The following NRXN1 variants were observed in gnomAD, a reference collection of about 807,000 sequenced individuals.
NRXN1 encodes the protein neurexin 1, also known as neurexin-1.
Under a neutral mutation model 150.9 loss-of-function variants are expected in NRXN1, and 39 were observed. The ratio of observed to expected loss-of-function variants is 0.26; its 90% CI spans 0.20 to 0.34. NRXN1 has a LOEUF of 0.34. Among genes scored for constraint, NRXN1 ranks in the 10% least tolerant of loss-of-function variants. The probability of loss-of-function intolerance (pLI) is 1.00; values close to 1 mark genes in which losing one functional copy is unlikely to be tolerated. For synonymous variants in NRXN1, 924 were observed against 757.0 expected (o/e 1.22, Z -3.62); for missense variants, 1,815 against 1,949.9 (o/e 0.93, Z 1.30).
chr2:50,808,397 G>C (rs1667789100), intron 5 of NRXN1, among the ~76,000 whole-genome samples: 1 of 151,922 alleles, frequency 6.6e-6, no homozygotes, highest in Non-Finnish European at 1.5e-5. Context: ...TTAATTTTGA[G>C]TTGGCAGAGG....
At chr2:49,925,235 G>A (rs1170025077) in intron 22 of NRXN1, among the ~76,000 whole-genome samples, 3 of 142,980 alleles carry the variant, frequency 2.1e-5, no homozygotes, top group African/African-American at 5.3e-5. Context: ...AGCTGCGATC[G>A]CACACTACAC....
intron 21 of NRXN1, among the ~76,000 whole-genome samples, chr2:50,008,181 G>A (rs1218372235): frequency 6.6e-6 from 1 of 152,090 alleles, no homozygotes; most frequent in Non-Finnish European, 1.5e-5. Flanking sequence ...GTTTTAAATA[G>A]CATTGATACA....
chr2:50,674,090 A>G (rs1046423199), intron 5 of NRXN1, among the ~76,000 whole-genome samples: 16 of 152,090 alleles, frequency 1.1e-4, no homozygotes, highest in African/African-American at 3.6e-4. Context: ...CAGAACTTAA[A>G]GTATAATAAA....
chr2:50,486,344 T>C (rs2090872211), intron 15 of NRXN1, among the ~76,000 whole-genome samples: 1 of 152,130 alleles, frequency 6.6e-6, no homozygotes, highest in Non-Finnish European at 1.5e-5. Context: ...CATAAGATAG[T>C]TTTTCTCACG....
At chr2:50,620,333 T>C in intron 7 of NRXN1, 150 bp from the exon 8 acceptor site, 1 of 874,422 alleles carries the variant, frequency 1.1e-6, no homozygotes, top group East Asian at 2.7e-5. Flanking sequence ...TTTTTGTTTT[T>C]AGACCTATGA....
At chr2:50,239,156 T>C (rs2065753921) in intron 17 of NRXN1, among the ~76,000 whole-genome samples, 1 of 151,884 alleles carries the variant, frequency 6.6e-6, no homozygotes, top group Non-Finnish European at 1.5e-5. Flanking sequence ...CTGGTAATTT[T>C]TGCAAATGAT....
intron 21 of NRXN1, among the ~76,000 whole-genome samples, chr2:50,006,893 C>T (rs77311144): frequency 0.048 from 7,367 of 152,090 alleles, 599 homozygotes; most frequent in African/African-American, 0.17. Flanking sequence ...ATCATCAGAA[C>T]GATTTAGCAA....
chr2:50,815,061 A>G (rs1009487050), intron 5 of NRXN1, among the ~76,000 whole-genome samples: 4 of 152,096 alleles, frequency 2.6e-5, no homozygotes, highest in African/African-American at 9.7e-5. Context: ...ATGAACTGAC[A>G]TACTCTTTTT....
chr2:50,299,862 G>A (rs1437673672), intron 17 of NRXN1, among the ~76,000 whole-genome samples: 1 of 152,078 alleles, frequency 6.6e-6, no homozygotes, highest in Non-Finnish European at 1.5e-5. Flanking sequence ...ACAAATCCAA[G>A]GCTTTTGAAA....
intron 17 of NRXN1, among the ~76,000 whole-genome samples, chr2:50,438,742 A>T (rs1160444713): frequency 6.6e-6 from 1 of 152,234 alleles, no homozygotes; most frequent in East Asian, 1.9e-4. Flanking sequence ...ATTAATAATC[A>T]GAAAAGGGTC....
At chr2:50,783,998 G>C (rs1249265549) in intron 5 of NRXN1, among the ~76,000 whole-genome samples, 2 of 152,076 alleles carry the variant, frequency 1.3e-5, no homozygotes, top group African/African-American at 4.8e-5. Flanking sequence ...CACAGAGTCA[G>C]GTCCAGCAAT....
intron 15 of NRXN1, among the ~76,000 whole-genome samples, chr2:50,477,742 A>C (rs1465122645): frequency 6.6e-6 from 1 of 152,226 alleles, no homozygotes; most frequent in African/African-American, 2.4e-5. Flanking sequence ...ACTCCAGGAA[A>C]TATGAAGGAA....
At chr2:50,536,715 T>A (rs1392171270) in intron 10 of NRXN1, among the ~76,000 whole-genome samples, 1 of 152,216 alleles carries the variant, frequency 6.6e-6, no homozygotes, top group Non-Finnish European at 1.5e-5. Context: ...CGTAACTGTA[T>A]TATACCTTGC....
intron 2 of NRXN1, among the ~76,000 whole-genome samples, chr2:50,989,886 G>A (rs1310160607): frequency 6.6e-6 from 1 of 151,930 alleles, no homozygotes; most frequent in Admixed American, 6.6e-5. Flanking sequence ...CCTGTCAAAT[G>A]GTTTAATGGT....
At chr2:50,592,632 A>G (rs1416336080) in intron 8 of NRXN1, among the ~76,000 whole-genome samples, 1 of 152,212 alleles carries the variant, frequency 6.6e-6, no homozygotes, top group Non-Finnish European at 1.5e-5. Flanking sequence ...TTCTCTCCTT[A>G]CACAGGGTAA....
At chr2:51,017,839 A>T (rs1447878670) in intron 2 of NRXN1, among the ~76,000 whole-genome samples, 1 of 152,014 alleles carries the variant, frequency 6.6e-6, no homozygotes, top group Non-Finnish European at 1.5e-5. Flanking sequence ...AAATAAATCA[A>T]TTTTTCACCA....
At chr2:50,197,520 C>T (rs778792581) in intron 18 of NRXN1, among the ~76,000 whole-genome samples, 5 of 152,084 alleles carry the variant, frequency 3.3e-5, no homozygotes, top group Non-Finnish European at 4.4e-5. Flanking sequence ...ATTGAAGTAA[C>T]GCATCTTTCC....
At position 50,994,177 on chromosome 2, in the gene NRXN1, T is replaced by A. The variant is rs143368974; in HGVS notation, c.772+33325A>T. The stretch of plus-strand genomic sequence containing the variant: ...AAGTTAAATAATCCAATCAGTCTTA[T>A]AGAGTTGATCCCAGGTGGTGTGATC... On this transcript the variant is annotated intron_variant, in intron 2 of 22. Transcript: ENST00000401669. Among the ~76,000 whole-genome samples the A allele has an allele frequency of 9.4e-4, 143 of 152,144 alleles. No individual in the cohort carries two copies. In the East Asian group the frequency reaches 0.013, roughly 14 times the overall value.
chr2:50,824,676 C>T (rs765091747), intron 5 of NRXN1, among the ~76,000 whole-genome samples: 1 of 151,990 alleles, frequency 6.6e-6, no homozygotes, highest in Non-Finnish European at 1.5e-5. Flanking sequence ...ATAGATAATC[C>T]CCCTCTGAAA....
Sources: gnomAD v4.1 joint callset for allele counts (sites outside exome capture counted in the v4.1 genomes callset) on GRCh38, gnomAD v4.1.1 for gene constraint, MANE v1.5 for transcripts, NCBI Gene and HGNC (gene_info 2026-07-23, HGNC 2026-07-21) for gene names.